Variants in RBFOX1 observed in about 807,000 individuals in gnomAD.
The protein encoded by RBFOX1 is RNA binding fox-1 homolog 1.
RBFOX1 carries 8 observed loss-of-function variants against 57.7 expected under a neutral mutation model. The observed-to-expected ratio is 0.14, with a 90% CI of 0.08 to 0.25. The LOEUF (loss-of-function observed/expected upper bound fraction) is 0.25, where lower values mean the gene tolerates loss of function less well. Among genes scored for constraint, RBFOX1 ranks in the 10% least tolerant of loss-of-function variants. RBFOX1 has a pLI of 1.00. For missense variants in RBFOX1, 611 were observed against 548.5 expected (o/e 1.11, Z -1.14); for synonymous variants, 326 against 222.4 (o/e 1.47, Z -4.15).
chr16:7,452,623 G>T (rs968172922), intron 4 of RBFOX1, among the ~76,000 whole-genome samples: 1 of 152,158 alleles, frequency 6.6e-6, no homozygotes, highest in Admixed American at 6.5e-5. Flanking sequence ...GGCACTTGCT[G>T]TGGTGCCAAG....
At chr16:5,347,203 C>A (rs936603122) in intron 1 of RBFOX1, among the ~76,000 whole-genome samples, 3 of 152,086 alleles carry the variant, frequency 2.0e-5, no homozygotes, top group Non-Finnish European at 2.9e-5. Flanking sequence ...TATATGTTTT[C>A]CTTATTTATT....
intron 1 of RBFOX1, among the ~76,000 whole-genome samples, chr16:5,443,090 G>A (rs1185925942): frequency 1.3e-5 from 2 of 152,166 alleles, no homozygotes; most frequent in East Asian, 3.9e-4. Context: ...AGGGAGGGTA[G>A]CCTGCTGACA....
At chr16:5,400,235 G>T (rs1226226378) in intron 1 of RBFOX1, among the ~76,000 whole-genome samples, 1 of 151,976 alleles carries the variant, frequency 6.6e-6, no homozygotes, top group Admixed American at 6.6e-5. Flanking sequence ...GGGATTACAG[G>T]TGCTTGCCAC....
chr16:7,197,271 C>T (rs2086944154), intron 4 of RBFOX1, among the ~76,000 whole-genome samples: 1 of 152,072 alleles, frequency 6.6e-6, no homozygotes, highest in African/African-American at 2.4e-5. Context: ...TGGCTCTGAG[C>T]AGCTATTGCT....
intron 3 of RBFOX1, among the ~76,000 whole-genome samples, chr16:6,678,673 A>C (rs4786906): frequency 6.6e-6 from 1 of 151,478 alleles, no homozygotes; most frequent in East Asian, 1.9e-4. Flanking sequence ...CACAAGATAC[A>C]CAGAACAAAT....
At chr16:6,677,193 G>C (rs1226412301) in intron 3 of RBFOX1, among the ~76,000 whole-genome samples, 1 of 152,140 alleles carries the variant, frequency 6.6e-6, no homozygotes, top group African/African-American at 2.4e-5. Context: ...TTCACATAAT[G>C]AGTAAGTGGC....
chr16:7,385,835 C>A (rs1448443515), intron 4 of RBFOX1, among the ~76,000 whole-genome samples: 1 of 152,034 alleles, frequency 6.6e-6, no homozygotes, highest in African/African-American at 2.4e-5. Context: ...CTCACTGCAA[C>A]CTCCGCCTCC....
At chr16:6,061,395 A>G (rs1017624009) in intron 1 of RBFOX1, among the ~76,000 whole-genome samples, 1 of 151,950 alleles carries the variant, frequency 6.6e-6, no homozygotes, top group African/African-American at 2.4e-5. Flanking sequence ...AAAATAGATA[A>G]TTTTCATTAT....
intron 1 of RBFOX1, among the ~76,000 whole-genome samples, chr16:6,123,972 A>G (rs2096570146): frequency 6.6e-6 from 1 of 152,190 alleles, no homozygotes; most frequent in African/African-American, 2.4e-5. Flanking sequence ...AGAAAAGCAT[A>G]TACCGCTTAA....
At chr16:7,188,229 A>G (rs568676935) in intron 4 of RBFOX1, among the ~76,000 whole-genome samples, 2 of 152,338 alleles carry the variant, frequency 1.3e-5, no homozygotes, top group South Asian at 4.1e-4. Context: ...CATTCTGCAT[A>G]GGCTTCTTGA....
intron 2 of RBFOX1, among the ~76,000 whole-genome samples, chr16:5,597,502 C>A (rs1031834678): frequency 5.7e-4 from 85 of 149,130 alleles, no homozygotes; most frequent in African/African-American, 1.9e-3. Flanking sequence ...CAGGTTCAAG[C>A]GATTCTCCTC....
At chr16:6,278,935 T>C (rs112961295) in intron 1 of RBFOX1, among the ~76,000 whole-genome samples, 2 of 152,206 alleles carry the variant, frequency 1.3e-5, no homozygotes, top group Non-Finnish European at 2.9e-5. Flanking sequence ...GAGATATGTC[T>C]AACCCGTTAT....
intron 2 of RBFOX1, among the ~76,000 whole-genome samples, chr16:6,581,562 C>G (rs1054690460): frequency 5.3e-5 from 8 of 152,140 alleles, no homozygotes; most frequent in African/African-American, 2.4e-5. Flanking sequence ...GGGGATGGCC[C>G]CTTCCTGGGC....
chr16:7,219,107 A>C (rs772193185), intron 4 of RBFOX1, among the ~76,000 whole-genome samples: 10 of 152,178 alleles, frequency 6.6e-5, no homozygotes, highest in Non-Finnish European at 1.5e-4. Context: ...CCGTCATTGC[A>C]GGCAGCTGAG....
chr16:5,433,176 C>T (rs79426649), intron 1 of RBFOX1, among the ~76,000 whole-genome samples: 14 of 152,296 alleles, frequency 9.2e-5, no homozygotes, highest in Admixed American at 1.3e-4. Context: ...AGCCGCTGTG[C>T]GTGGCTGAGG....
intron 5 of RBFOX1, among the ~76,000 whole-genome samples, chr16:7,525,542 C>G (rs1482234417): frequency 6.6e-6 from 1 of 152,158 alleles, no homozygotes; most frequent in Non-Finnish European, 1.5e-5. Flanking sequence ...ATGGACAGAA[C>G]CTAAGAAGGC....
At chr16:7,627,083 T>G (rs1005793218) in intron 10 of RBFOX1, among the ~76,000 whole-genome samples, 2 of 148,926 alleles carry the variant, frequency 1.3e-5, no homozygotes, top group East Asian at 2.0e-4. Context: ...AGGTCACTTT[T>G]AAACTATGTT....
In RBFOX1 at chr16:7,189,420, C is replaced by A. The variant is rs762305572; in HGVS notation, c.27+137322C>A. 8.9e-3 allele frequency among the ~76,000 whole-genome samples: 1,034 copies of A among 115,654 alleles called. 12 individuals are homozygous for A. The highest frequency in any genetic ancestry group is 0.013 in the Non-Finnish European group (786 of 58,766). 75.9% of individuals were successfully genotyped at this position (115,654 alleles called of 152,430 possible). A position where few individuals can be genotyped will look rare whatever the true frequency, so the allele number is the denominator to read the frequency against. On this transcript the variant is annotated intron_variant, in intron 4 of 15. Transcript: ENST00000550418. ...CAGCCTGGGCGACAGAGCGAGACTC[C>A]CTCTCAAAAAAAAAAAAAAAAAAAA...
At chr16:6,520,740 C>G (rs74005250) in intron 2 of RBFOX1, among the ~76,000 whole-genome samples, 1 of 152,118 alleles carries the variant, frequency 6.6e-6, no homozygotes, top group Non-Finnish European at 1.5e-5. Context: ...TAAGTGGCTT[C>G]GTTTCGATCA....
Sources: gnomAD v4.1 joint callset for allele counts (sites outside exome capture counted in the v4.1 genomes callset) on GRCh38, gnomAD v4.1.1 for gene constraint, MANE v1.5 for transcripts, NCBI Gene and HGNC (gene_info 2026-07-23, HGNC 2026-07-21) for gene names.